Variants in PDE4B observed in about 807,000 individuals in gnomAD.
PDE4B encodes the protein phosphodiesterase 4B.
Under a neutral mutation model 82.2 loss-of-function variants are expected in PDE4B, and 20 were observed. The observed-to-expected ratio is 0.24, with a 90% CI of 0.17 to 0.35. The LOEUF (loss-of-function observed/expected upper bound fraction) is 0.35, where lower values mean the gene tolerates loss of function less well. Ranked by LOEUF, PDE4B falls within the 10% of genes least tolerant of loss-of-function variation. The pLI is 1.00. For missense variants in PDE4B, 655 were observed against 907.2 expected (o/e 0.72, Z 3.57); for synonymous variants, 320 against 318.9 (o/e 1.00, Z -0.04).
chr1:66,229,223 A>T (rs1651731232), intron 3 of PDE4B, among the ~76,000 whole-genome samples: 1 of 151,324 alleles, frequency 6.6e-6, no homozygotes, highest in Non-Finnish European at 1.5e-5. Flanking sequence ...GTTAGCCAGG[A>T]TGGTCTTGAT....
chr1:66,099,486 G>C (rs762828964), intron 3 of PDE4B, among the ~76,000 whole-genome samples: 1 of 151,992 alleles, frequency 6.6e-6, no homozygotes, highest in Non-Finnish European at 1.5e-5. Flanking sequence ...GTTTTTGGTA[G>C]TTTTGACTCT....
At chr1:66,160,190 C>T (rs1200847108) in intron 3 of PDE4B, among the ~76,000 whole-genome samples, 1 of 152,172 alleles carries the variant, frequency 6.6e-6, no homozygotes, top group Non-Finnish European at 1.5e-5. Context: ...AGGAGTAGGA[C>T]TGAGAGAATT....
chr1:66,269,032 A>G (rs1655270156), intron 7 of PDE4B, among the ~76,000 whole-genome samples: 1 of 152,248 alleles, frequency 6.6e-6, no homozygotes, highest in Non-Finnish European at 1.5e-5. Context: ...GACCGGGAAA[A>G]CTACATAAAA....
chr1:66,321,177 G>GA (rs1258973171), intron 7 of PDE4B, among the ~76,000 whole-genome samples: 1 of 152,078 alleles, frequency 6.6e-6, no homozygotes, highest in African/African-American at 2.4e-5. Flanking sequence ...TTAATTCATT[G>GA]GACTCTGATT....
intron 3 of PDE4B, among the ~76,000 whole-genome samples, chr1:66,136,398 C>T (rs1646055737): frequency 6.6e-6 from 1 of 152,058 alleles, no homozygotes; most frequent in East Asian, 1.9e-4. Context: ...CCTTCACCCT[C>T]GCAGTAAGAA....
At chr1:66,103,569 G>A (rs1026291940) in intron 3 of PDE4B, among the ~76,000 whole-genome samples, 1 of 152,078 alleles carries the variant, frequency 6.6e-6, no homozygotes, top group African/African-American at 2.4e-5. Flanking sequence ...GGCTTTTCTA[G>A]TGAACATCAT....
At chr1:66,261,497 T>C (rs1654678364) in intron 6 of PDE4B, among the ~76,000 whole-genome samples, 1 of 152,208 alleles carries the variant, frequency 6.6e-6, no homozygotes, top group African/African-American at 2.4e-5. Context: ...CTGCCTTGAA[T>C]GTAGCATTTA....
chr1:65,800,770 T>G (rs1645685058), intron 1 of PDE4B, among the ~76,000 whole-genome samples: 1 of 152,182 alleles, frequency 6.6e-6, no homozygotes, highest in African/African-American at 2.4e-5. Flanking sequence ...GAATTTGCAA[T>G]AGTAAGAGTG....
chr1:66,357,873 T>A (rs1662384606), intron 9 of PDE4B, among the ~76,000 whole-genome samples: 1 of 152,220 alleles, frequency 6.6e-6, no homozygotes, highest in Non-Finnish European at 1.5e-5. Flanking sequence ...TGATATGAAC[T>A]GAGTTTATCA....
chr1:66,228,079 T>C (rs1283429742), intron 3 of PDE4B, among the ~76,000 whole-genome samples: 1 of 152,238 alleles, frequency 6.6e-6, no homozygotes, highest in African/African-American at 2.4e-5. Context: ...TCAAATACAC[T>C]AGGCATGCTC....
At chr1:65,942,630 T>C (rs1648506193) in intron 3 of PDE4B, among the ~76,000 whole-genome samples, 1 of 151,894 alleles carries the variant, frequency 6.6e-6, no homozygotes, top group African/African-American at 2.4e-5. Context: ...GCTGAACTAA[T>C]TTACATTTTC....
At chr1:66,007,504 T>G (rs1652217732) in intron 3 of PDE4B, among the ~76,000 whole-genome samples, 1 of 152,018 alleles carries the variant, frequency 6.6e-6, no homozygotes, top group African/African-American at 2.4e-5. Context: ...TACAATGCTC[T>G]CCCACTGCTA....
intron 3 of PDE4B, among the ~76,000 whole-genome samples, chr1:66,153,778 A>G (rs1247684208): frequency 2.6e-5 from 4 of 152,182 alleles, no homozygotes; most frequent in Non-Finnish European, 4.4e-5. Context: ...ATACTCCTAC[A>G]TACAGACATT....
At chr1:66,334,988 C>A (rs1243113872) in intron 8 of PDE4B, among the ~76,000 whole-genome samples, 2 of 151,940 alleles carry the variant, frequency 1.3e-5, no homozygotes, top group Admixed American at 1.3e-4. Flanking sequence ...CTGAATTATC[C>A]ATGGCAAAAA....
At chr1:66,118,386 C>G (rs1214839149) in intron 3 of PDE4B, among the ~76,000 whole-genome samples, 2 of 152,098 alleles carry the variant, frequency 1.3e-5, no homozygotes, top group East Asian at 3.8e-4. Flanking sequence ...GAATACTATG[C>G]AGCCATAAAA....
At chr1:65,873,587 T>C (rs1216889209) in intron 1 of PDE4B, among the ~76,000 whole-genome samples, 1 of 152,246 alleles carries the variant, frequency 6.6e-6, no homozygotes, top group Non-Finnish European at 1.5e-5. Context: ...TCACATACTT[T>C]CCTCAGTTAC....
intron 1 of PDE4B, among the ~76,000 whole-genome samples, chr1:65,819,655 G>A (rs1396712362): frequency 6.6e-6 from 1 of 151,846 alleles, no homozygotes; most frequent in East Asian, 1.9e-4. Context: ...GCCCGCCACC[G>A]CGGCGGGCTA....
chr1:65,886,655 A>G, intron 1 of PDE4B, among the ~76,000 whole-genome samples: 1 of 152,108 alleles, frequency 6.6e-6, no homozygotes, highest in Non-Finnish European at 1.5e-5. Context: ...TGTGCCTGGT[A>G]TATTTCACTT....
chr1:66,174,761 ACAAC>A (rs1431995167), intron 3 of PDE4B, among the ~76,000 whole-genome samples: 1 of 116,660 alleles, frequency 8.6e-6, no homozygotes, highest in African/African-American at 5.9e-5. Flanking sequence ...AAAAGCAACA[ACAAC>A]AACAACAACA....
Sources: allele counts gnomAD v4.1 joint callset (sites outside exome capture counted in the v4.1 genomes callset), GRCh38; gene constraint gnomAD v4.1.1; transcripts MANE v1.5; gene names NCBI Gene and HGNC (gene_info 2026-07-23, HGNC 2026-07-21).